MRTFB: variants seen among roughly 807,000 people sequenced by gnomAD.
MRTFB encodes the protein myocardin related transcription factor B.
Under a neutral mutation model 104.2 loss-of-function variants are expected in MRTFB, and 29 were observed. That is an observed-to-expected ratio of 0.28 (90% CI 0.21 to 0.38). The LOEUF is 0.38. MRTFB is among the 10% of genes least tolerant of loss of function. The pLI is 1.00. For missense variants in MRTFB, 1,270 were observed against 1,341.6 expected, an observed-to-expected ratio of 0.95 and a Z score of 0.83; for synonymous variants, 535 against 519.5, an observed-to-expected ratio of 1.03 and a Z score of -0.41.
chr16:14,203,768 C>T (rs1441610789), intron 3 of MRTFB, among the ~76,000 whole-genome samples: 2 of 136,168 alleles, frequency 1.5e-5, no homozygotes, highest in East Asian at 4.5e-4. Context: ...CAGACCACTG[C>T]ACTCCAGCCT....
chr16:14,256,235 A>G (rs2043487900), intron 15 of MRTFB, among the ~76,000 whole-genome samples: 1 of 151,886 alleles, frequency 6.6e-6, no homozygotes, highest in African/African-American at 2.4e-5. Context: ...TAGAAGACAA[A>G]TATAAAATAT....
the MRTFB span, among the ~76,000 whole-genome samples, chr16:14,042,679 C>T: frequency 1.3e-5 from 2 of 152,112 alleles, no homozygotes; most frequent in African/African-American, 4.8e-5. Flanking sequence ...ATTTGCAGTG[C>T]TTCTTTAAGA....
chr16:14,252,588 T>A, intron 15 of MRTFB, 86 bp downstream of exon 15: 1 of 1,428,554 alleles, frequency 7.0e-7, no homozygotes, highest in Non-Finnish European at 9.3e-7. Context: ...GAATCCCTTG[T>A]CTGAAACTGA....
chr16:14,133,642 G>C (rs1055200272), intron 2 of MRTFB, among the ~76,000 whole-genome samples: 3 of 151,686 alleles, frequency 2.0e-5, no homozygotes, highest in African/African-American at 7.3e-5. Context: ...CCTTGCCTTA[G>C]AGAACTTGGA....
At chr16:14,003,958 C>A in the MRTFB span, among the ~76,000 whole-genome samples, 5 of 152,152 alleles carry the variant, frequency 3.3e-5, no homozygotes, top group Non-Finnish European at 5.9e-5. Flanking sequence ...AAGCAAAAAC[C>A]CATCTGTGGG....
the MRTFB span, among the ~76,000 whole-genome samples, chr16:14,013,625 T>A: frequency 6.6e-6 from 1 of 152,234 alleles, no homozygotes; most frequent in African/African-American, 2.4e-5. Flanking sequence ...TGAACATGTG[T>A]TGTAATCTTG....
chr16:14,229,293 C>T (rs1231903676), intron 8 of MRTFB, among the ~76,000 whole-genome samples: 2 of 151,942 alleles, frequency 1.3e-5, no homozygotes, highest in East Asian at 1.9e-4. Context: ...TAGAGTTTTA[C>T]GTAAAATATT....
chr16:14,091,424 A>G (rs1489601002), intron 2 of MRTFB, among the ~76,000 whole-genome samples: 2 of 152,204 alleles, frequency 1.3e-5, no homozygotes, highest in Non-Finnish European at 2.9e-5. Flanking sequence ...ATCACAGGGC[A>G]GGAGCCATCT....
At chr16:14,067,417 T>C (rs1473991948), upstream of MRTFB, among the ~76,000 whole-genome samples, 3 of 151,496 alleles carry the variant, frequency 2.0e-5, no homozygotes, top group Non-Finnish European at 4.4e-5. Context: ...GAGACAGGGT[T>C]TCACCATGTT....
At chr16:14,219,133 C>CT (rs1210932222) in intron 8 of MRTFB, 135 bp downstream of exon 8, 1 of 822,046 alleles carries the variant, frequency 1.2e-6, no homozygotes, top group Non-Finnish European at 1.7e-6. Context: ...AAAGCAGGCA[C>CT]TTAACTGCCC....
upstream of MRTFB, among the ~76,000 whole-genome samples, chr16:14,071,168 G>A (rs1197907333): frequency 1.3e-5 from 2 of 152,156 alleles, no homozygotes; most frequent in African/African-American, 4.8e-5. Flanking sequence ...GTGCACGCAG[G>A]GACGGAGTCG....
chr16:14,191,336 G>A (rs559240063), intron 3 of MRTFB, among the ~76,000 whole-genome samples: 23 of 152,188 alleles, frequency 1.5e-4, no homozygotes, highest in Admixed American at 9.2e-4. Context: ...TGCTCCTCTC[G>A]CTCCTGCCTT....
At chr16:14,007,850 G>A in the MRTFB span, among the ~76,000 whole-genome samples, 2 of 152,186 alleles carry the variant, frequency 1.3e-5, no homozygotes, top group Non-Finnish European at 2.9e-5. Flanking sequence ...CTTTTCAAGT[G>A]TTTATCGGCC....
chr16:14,044,872 C>A, the MRTFB span, among the ~76,000 whole-genome samples: 1 of 152,084 alleles, frequency 6.6e-6, no homozygotes, highest in Non-Finnish European at 1.5e-5. Flanking sequence ...TGGTCCCTTG[C>A]CCCAACACTG....
rs2043819891 is a variant in MRTFB at position 14,262,787 on chromosome 16, T to C, written c.*1343T>C. 1 of 152,234 alleles carries C rather than the reference T, an allele frequency of 6.6e-6. No homozygotes were observed. The highest frequency in any genetic ancestry group is 1.5e-5 in the Non-Finnish European group (1 of 68,032). The allele number at this position is 152,234 out of a possible 1,614,324, so 9.4% of individuals were successfully genotyped here. On this transcript the variant is annotated 3_prime_UTR_variant, in exon 17 of 17. Transcript: ENST00000571589. ...AGTCATTGAGGTATATGACAAAATG[T>C]AAATAACAAAAAACTGAAATCTACC...
intron 3 of MRTFB, among the ~76,000 whole-genome samples, chr16:14,201,191 G>T (rs1307528892): frequency 2.0e-4 from 31 of 152,186 alleles, no homozygotes; most frequent in Admixed American, 6.5e-5. Context: ...TAGAAACATT[G>T]TCAAGATTTA....
chr16:14,133,758 A>G (rs1411604999), intron 2 of MRTFB, among the ~76,000 whole-genome samples: 1 of 152,036 alleles, frequency 6.6e-6, no homozygotes, highest in East Asian at 1.9e-4. Context: ...TAATTCAACA[A>G]AATTACAGTT....
At chr16:14,023,677 C>A in the MRTFB span, among the ~76,000 whole-genome samples, 119,219 of 148,906 alleles carry the variant, frequency 0.8, 48,174 homozygotes, top group Non-Finnish European at 0.86. Flanking sequence ...GTGTGTGTGT[C>A]TATATATATA....
intron 3 of MRTFB, chr16:14,170,294 A>G (rs2039381614): frequency 6.6e-6 from 1 of 152,198 alleles, no homozygotes; most frequent in African/African-American, 2.4e-5. Flanking sequence ...CCTCTACAAA[A>G]AATGTTTAAA....
Sources: allele counts gnomAD v4.1 joint callset (sites outside exome capture counted in the v4.1 genomes callset), GRCh38; gene constraint gnomAD v4.1.1; transcripts MANE v1.5; gene names NCBI Gene and HGNC (gene_info 2026-07-23, HGNC 2026-07-21).